ABCA9: variants seen among roughly 807,000 people sequenced by gnomAD.
ABCA9 encodes the protein ATP-binding cassette sub-family A member 9.
In ABCA9, 183 loss-of-function variants were observed where a neutral mutation model predicts 205.3. The ratio of observed to expected loss-of-function variants is 0.89; its 90% confidence interval spans 0.79 to 1.01. The LOEUF is 1.01. Ranked by LOEUF, ABCA9 falls within the 50% of genes least tolerant of loss-of-function variation. The pLI, the probability that ABCA9 is intolerant of heterozygous loss-of-function variation, is 0.00. For synonymous variants in ABCA9, 651 were observed against 683.3 expected (o/e 0.95, Z 0.74); for missense variants, 1,805 against 1,912.4 (o/e 0.94, Z 1.05).
At chr17:68,979,417 G>T (rs1354219476) in intron 37 of ABCA9, among the ~76,000 whole-genome samples, 1 of 152,052 alleles carries the variant, frequency 6.6e-6, no homozygotes, top group Non-Finnish European at 1.5e-5. Flanking sequence ...TTTCTTCACA[G>T]AATTAGAAAA....
chr17:69,011,790 G>GTCTC, intron 23 of ABCA9, 186 bp downstream of exon 23: 8 of 474,218 alleles, frequency 1.7e-5, no homozygotes, highest in Non-Finnish European at 2.2e-5. Flanking sequence ...CCTTCCTGAG[G>GTCTC]TCTCACATTT....
At position 68,990,874 on chromosome 17, in the gene ABCA9, C is replaced by G; in HGVS notation, c.3800G>C (p.Arg1267Thr). Reference protein sequence around the residue: ...EEEDIQMERMRTVNAMAVRDF... With the variant: ...EEEDIQMERMTTVNAMAVRDF... ...TCGCACAGCCATAGCATTCACTGTT[C>G]TCATTCTTTCCATCTGGATATCTTC... is the stretch of plus-strand genomic sequence containing the variant. The change falls in exon 29 of 39, where the codon AGA becomes ACA. Residue 1267 changes from arginine (R) to threonine (T), a missense_variant. By Grantham distance (71) the Arg-to-Thr change is moderately conservative. Transcript: ENST00000340001. 1.2e-6 allele frequency: 2 copies of G among 1,613,974 alleles called. No homozygotes were observed. The highest frequency in any genetic ancestry group is 1.7e-6 in the Non-Finnish European group (2 of 1,179,928).
At chr17:69,016,007 C>T (rs1020653422) in intron 22 of ABCA9, among the ~76,000 whole-genome samples, 10 of 147,144 alleles carry the variant, frequency 6.8e-5, no homozygotes, top group African/African-American at 1.8e-4. Flanking sequence ...TATAATGTTG[C>T]GTGGTCATTT....
intron 19 of ABCA9, among the ~76,000 whole-genome samples, chr17:69,018,987 G>C (rs2070729613): frequency 6.6e-6 from 1 of 152,022 alleles, no homozygotes; most frequent in Admixed American, 6.6e-5. Flanking sequence ...GTAAATTACA[G>C]CATTTTCTCA....
chr17:69,041,899 A>G (rs1298286855), intron 6 of ABCA9, among the ~76,000 whole-genome samples: 2 of 152,162 alleles, frequency 1.3e-5, no homozygotes. Context: ...CTTGTGTAGA[A>G]AATCACATAA....
chr17:69,045,132 T>C (rs755842228), intron 4 of ABCA9, 40 bp downstream of exon 4: 1 of 1,583,380 alleles, frequency 6.3e-7, no homozygotes, highest in Non-Finnish European at 8.6e-7. Flanking sequence ...TGGCTACTGA[T>C]ACAATAGCAA....
chr17:68,985,094 T>C lies in ABCA9; in HGVS notation c.4243A>G (p.Lys1415Glu). The change falls in exon 33 of 39, where the codon AAG becomes GAG. Residue 1415 changes from lysine (K) to glutamate (E), a missense_variant. Coordinates refer to ENST00000340001, the MANE Select transcript of ABCA9 (RefSeq NM_080283.4). ...VDALKLQDQL[K>E]APVKTLSEGI... ...TCTGACAAGGTCTTCACGGGAGCCTTCAGCTGGTCCTGCAGCTTGAGCGCA... is the reference window on the plus strand; with the variant it reads ...TCTGACAAGGTCTTCACGGGAGCCTCCAGCTGGTCCTGCAGCTTGAGCGCA... 2 of 1,614,228 alleles carry C rather than the reference T, an allele frequency of 1.2e-6. No individual in the cohort carries two copies. Among genetic ancestry groups the C allele is most frequent in the African/African-American group, 2.7e-5 (2 of 75,062 alleles).
rs753609304 is a variant in ABCA9 at position 68,984,853 on chromosome 17, T to A, written c.4379+32A>T. On this transcript the variant is annotated intron_variant, in intron 34 of 38. Coordinates refer to ENST00000340001, the MANE Select transcript of ABCA9 (RefSeq NM_080283.4). ...GCCAGTTTTCACAGGATCAATACACTCATGCAGAGGTTGCTCATGATAGCA... is the reference window on the plus strand; with the variant it reads ...GCCAGTTTTCACAGGATCAATACACACATGCAGAGGTTGCTCATGATAGCA... The A allele has an allele frequency of 4.3e-6, 7 of 1,613,858 alleles. No homozygotes were observed. In the African/African-American group the frequency reaches 9.3e-5, roughly 22 times the overall value.
rs185151008 is a variant in ABCA9, at chr17:69,032,316, C to T, written c.1277-40G>A. On this transcript the variant is annotated intron_variant, in intron 9 of 38. Coordinates refer to ENST00000340001, the MANE Select transcript of ABCA9 (RefSeq NM_080283.4). ...GGCAATTGAATACTGGGTCAGTCATCGCTTCAAGGATTCCATCAGCATATC... is the reference window on the plus strand; with the variant it reads ...GGCAATTGAATACTGGGTCAGTCATTGCTTCAAGGATTCCATCAGCATATC... 9.1e-4 allele frequency: 1,446 copies of T among 1,582,598 alleles called. 5 individuals are homozygous for T. Among genetic ancestry groups the T allele is most frequent in the Admixed American group, 1.6e-3 (95 of 58,470 alleles).
chr17:68,986,360 A>C, intron 31 of ABCA9, 36 bp from the exon 32 acceptor site: 1 of 1,577,062 alleles, frequency 6.3e-7, no homozygotes, highest in Non-Finnish European at 8.6e-7. Context: ...ATTCTATCCC[A>C]AATGTCACGT....
upstream of ABCA9, among the ~76,000 whole-genome samples, chr17:69,065,086 A>C (rs1222899227): frequency 2.0e-5 from 3 of 152,172 alleles, no homozygotes; most frequent in Non-Finnish European, 2.9e-5. Flanking sequence ...AAGACATCTT[A>C]GGGTTTTCTC....
Position 69,035,278 on chromosome 17 carries a change from TAAG to T in ABCA9, c.1093_1095del (p.Leu365del). 6.2e-7 allele frequency: 1 copy of T among 1,601,844 alleles called. No individual in the cohort carries two copies. The highest frequency in any genetic ancestry group is 8.5e-7 in the Non-Finnish European group (1 of 1,174,576). The stretch of plus-strand genomic sequence containing the variant: ...ATCCCAACAGTGAAGGCAAAGGGGC[TAAG>T]AAGACACAAAGTCCATTCCAAAAAT... On this transcript the variant is annotated inframe_deletion, in exon 8 of 39. Coordinates refer to ENST00000340001, the MANE Select transcript of ABCA9 (RefSeq NM_080283.4).
chr17:69,078,856 T>C, the ABCA9 span: 5 of 607,412 alleles, frequency 8.2e-6, no homozygotes, highest in African/African-American at 9.6e-5. Flanking sequence ...GTTAACTAAA[T>C]TTACAAAATA....
chr17:69,078,060 T>C, the ABCA9 span, among the ~76,000 whole-genome samples: 6 of 152,038 alleles, frequency 3.9e-5, no homozygotes, highest in African/African-American at 1.4e-4. Flanking sequence ...GTTAAGAGTA[T>C]GCAAAATTTA....
chr17:69,011,225 T>G (rs77233953), intron 23 of ABCA9, among the ~76,000 whole-genome samples: 1,748 of 152,244 alleles, frequency 0.011, 19 homozygotes, highest in Non-Finnish European at 0.02. Flanking sequence ...ACTTTTGAGA[T>G]TCATGCAGCT....
intron 1 of ABCA9, among the ~76,000 whole-genome samples, chr17:69,053,348 ATAT>A (rs1208411988): frequency 6.6e-6 from 1 of 152,142 alleles, no homozygotes; most frequent in African/African-American, 2.4e-5. Flanking sequence ...CAGGGACCAA[ATAT>A]TATAACTAAC....
Position 69,012,156 on chromosome 17 carries a change from C to A in ABCA9, c.3040-73G>T, listed in dbSNP as rs2070403276. ...TTCATCTGTACTTTCTTAACTAAATCACTCAAATAAATGAATTGAGCTGAT... is the reference window on the plus strand; with the variant it reads ...TTCATCTGTACTTTCTTAACTAAATAACTCAAATAAATGAATTGAGCTGAT... On this transcript the variant is annotated intron_variant, in intron 22 of 38. Transcript: ENST00000340001. 7 of 1,044,314 alleles carry A rather than the reference C, an allele frequency of 6.7e-6. 1 individual carries two copies. The South Asian group carries it at 9.5e-5, about 14-fold the overall frequency. 64.7% of individuals were successfully genotyped at this position (1,044,314 alleles called of 1,614,324 possible).
In ABCA9 at chr17:69,035,276, G is replaced by T; in HGVS notation, c.1098C>A (p.Ser366Arg). 16 of 1,599,944 alleles carry T rather than the reference G, an allele frequency of 1.0e-5. No homozygotes were observed. Among genetic ancestry groups the T allele is most frequent in the Non-Finnish European group, 1.2e-5 (14 of 1,173,604 alleles). ...CCATCCCAACAGTGAAGGCAAAGGG[G>T]CTAAGAAGACACAAAGTCCATTCCA... ...AFLEWTLCLL[S>R]PFAFTVGMAQ... Residue 366 changes from serine (S) to arginine (R), a missense_variant, in exon 8 of 39, where the codon AGC (serine) becomes AGA (arginine). By Grantham distance (110) the Ser-to-Arg change is moderately radical (BLOSUM62 -1). Transcript: ENST00000340001.
chr17:68,977,667 G>C (rs1191465053), intron 37 of ABCA9, among the ~76,000 whole-genome samples: 2 of 152,204 alleles, frequency 1.3e-5, no homozygotes, highest in East Asian at 3.8e-4. Flanking sequence ...AAGGTAAAAG[G>C]ATTGCCATGG....
Sources: gnomAD v4.1 joint callset for allele counts (sites outside exome capture counted in the v4.1 genomes callset) on GRCh38, gnomAD v4.1.1 for gene constraint, MANE v1.5 for transcripts, NCBI Gene and HGNC (gene_info 2026-07-23, HGNC 2026-07-21) for gene names.